The following PRKG1 variants were observed in gnomAD, a reference collection of about 807,000 sequenced individuals.
PRKG1 encodes the protein protein kinase cGMP-dependent 1.
PRKG1 carries 35 observed loss-of-function variants against 88.1 expected under a neutral mutation model. That is an observed-to-expected ratio of 0.40 (90% CI 0.30 to 0.53). The LOEUF (loss-of-function observed/expected upper bound fraction) is 0.53. PRKG1 is among the 20% of genes least tolerant of loss of function. PRKG1 has a pLI of 0.59. For missense variants in PRKG1, 540 were observed against 839.8 expected (o/e 0.64, Z 4.41); for synonymous variants, 303 against 292.5 (o/e 1.04, Z -0.37).
chr10:51,090,263 G>A (rs1303155649), intron 1 of PRKG1, among the ~76,000 whole-genome samples: 2 of 152,126 alleles, frequency 1.3e-5, no homozygotes, highest in Non-Finnish European at 2.9e-5. Context: ...CATTGATAAA[G>A]TGCTGTGTAC....
rs189801543 is a variant in PRKG1, at chr10:51,994,781, G to A, written c.763-59703G>A. Among the ~76,000 whole-genome samples the A allele has an allele frequency of 3.2e-4, 49 of 152,264 alleles. No individual in the cohort carries two copies. In the East Asian group the frequency reaches 8.9e-3, roughly 28 times the overall value. On this transcript the variant is annotated intron_variant, in intron 5 of 17. Coordinates refer to ENST00000373980, the MANE Select transcript of PRKG1 (RefSeq NM_006258.4). ...GCTTTTTTAATCTAAAGGGAAGGAA[G>A]TACTGTTTTATTTGACATATGGAGC...
intron 9 of PRKG1, among the ~76,000 whole-genome samples, chr10:52,209,660 C>T (rs11001195): frequency 0.12 from 18,592 of 152,100 alleles, 2,522 homozygotes; most frequent in African/African-American, 0.34. Flanking sequence ...TTACCAAAAC[C>T]GAAATCTTGA....
At chr10:52,016,133 T>C (rs1845034376) in intron 5 of PRKG1, among the ~76,000 whole-genome samples, 1 of 152,214 alleles carries the variant, frequency 6.6e-6, no homozygotes, top group Non-Finnish European at 1.5e-5. Flanking sequence ...CCCTACTCTG[T>C]CAGTACCAAT....
At chr10:51,851,898 C>T (rs962169454) in intron 4 of PRKG1, among the ~76,000 whole-genome samples, 1 of 152,178 alleles carries the variant, frequency 6.6e-6, no homozygotes, top group East Asian at 1.9e-4. Flanking sequence ...AAGGATTCTG[C>T]AGGCTTTTGT....
At chr10:51,347,043 T>C (rs1054606513) in intron 2 of PRKG1, among the ~76,000 whole-genome samples, 23 of 152,180 alleles carry the variant, frequency 1.5e-4, no homozygotes, top group Non-Finnish European at 2.9e-5. Context: ...CTCAGCATCC[T>C]GAGTCTGGTT....
rs1847667209 is a variant in PRKG1 at position 52,115,556 on chromosome 10, CA to C, written c.936-18283del. On this transcript the variant is annotated intron_variant, in intron 7 of 17. Transcript: ENST00000373980. Reference sequence around the variant, plus strand: ...TATGCACATCAGTTCTTATCTAAGACATCACCTCTTCCCATGGCTTTCACTG... The same window carrying C: ...TATGCACATCAGTTCTTATCTAAGACTCACCTCTTCCCATGGCTTTCACTG... Among the ~76,000 whole-genome samples, 2 of 152,116 alleles carry C rather than the reference CA, an allele frequency of 1.3e-5. 1 individual carries two copies. The highest frequency in any genetic ancestry group is 1.3e-4 in the Admixed American group (2 of 15,266).
chr10:51,698,632 C>T, intron 3 of PRKG1: 4 of 1,614,106 alleles, frequency 2.5e-6, no homozygotes, highest in Non-Finnish European at 3.4e-6. Flanking sequence ...GATCTGACAT[C>T]TGCACTTGTC....
At chr10:51,877,483 A>G (rs1359858165) in intron 4 of PRKG1, among the ~76,000 whole-genome samples, 1 of 152,194 alleles carries the variant, frequency 6.6e-6, no homozygotes, top group East Asian at 1.9e-4. Flanking sequence ...TTTTTCTGAC[A>G]AGAATTTGTA....
At chr10:51,467,872 T>A (rs778582780) in intron 3 of PRKG1, 36 bp downstream of exon 3, 2 of 1,517,600 alleles carry the variant, frequency 1.3e-6, no homozygotes, top group South Asian at 2.3e-5. Flanking sequence ...ATATTTTCAA[T>A]GTCTTTTCCC....
intron 5 of PRKG1, among the ~76,000 whole-genome samples, chr10:52,007,933 G>C (rs7905155): frequency 0.45 from 67,518 of 151,686 alleles, 15,320 homozygotes; most frequent in East Asian, 0.65. Flanking sequence ...ACACAGTCTT[G>C]GGCTACAGTG....
intron 1 of PRKG1, among the ~76,000 whole-genome samples, chr10:51,007,963 G>T (rs1443418681): frequency 1.3e-5 from 2 of 152,186 alleles, no homozygotes; most frequent in Admixed American, 6.5e-5. Flanking sequence ...GCTCTGTACA[G>T]AGGAGGAGAC....
At chr10:51,129,634 T>A (rs1288596492) in intron 1 of PRKG1, among the ~76,000 whole-genome samples, 1 of 152,186 alleles carries the variant, frequency 6.6e-6, no homozygotes. Context: ...CATTAAAGTC[T>A]TTGGAATTTA....
At chr10:51,667,256 T>C (rs1840444768) in intron 3 of PRKG1, among the ~76,000 whole-genome samples, 1 of 152,220 alleles carries the variant, frequency 6.6e-6, no homozygotes, top group African/African-American at 2.4e-5. Context: ...AAAGCATGTT[T>C]TTCTTGTGAA....
chr10:51,857,962 T>G (rs1840724901), intron 4 of PRKG1, among the ~76,000 whole-genome samples: 1 of 148,444 alleles, frequency 6.7e-6, no homozygotes, highest in South Asian at 2.1e-4. Flanking sequence ...TTACCTAGAT[T>G]CTCTATGTTG....
chr10:52,068,133 G>A (rs1161589611), intron 7 of PRKG1, among the ~76,000 whole-genome samples: 2 of 105,780 alleles, frequency 1.9e-5, no homozygotes, highest in Admixed American at 1.0e-4. Flanking sequence ...AACCCGGGAG[G>A]CGGAGCTTGC....
At chr10:51,401,287 T>C (rs1837731362) in intron 2 of PRKG1, among the ~76,000 whole-genome samples, 1 of 152,210 alleles carries the variant, frequency 6.6e-6, no homozygotes, top group South Asian at 2.1e-4. Context: ...TAGCCACATA[T>C]CAGGTGCTGA....
chr10:51,998,070 TATTCC>T (rs2133143164), intron 5 of PRKG1, among the ~76,000 whole-genome samples: 1 of 152,342 alleles, frequency 6.6e-6, no homozygotes, highest in Non-Finnish European at 1.5e-5. Context: ...TGTTCTCTTT[TATTCC>T]TCATTTGCCA....
intron 2 of PRKG1, among the ~76,000 whole-genome samples, chr10:51,355,881 A>G (rs1842355745): frequency 6.6e-6 from 1 of 152,026 alleles, no homozygotes; most frequent in South Asian, 2.1e-4. Flanking sequence ...TATGTTGTGA[A>G]TGGGATCTTC....
At chr10:52,046,571 C>A (rs1436192612) in intron 5 of PRKG1, among the ~76,000 whole-genome samples, 2 of 152,112 alleles carry the variant, frequency 1.3e-5, no homozygotes, top group Non-Finnish European at 2.9e-5. Flanking sequence ...GTCCTCACAA[C>A]AATCTGTTTA....
Sources: allele counts gnomAD v4.1 joint callset (sites outside exome capture counted in the v4.1 genomes callset), GRCh38; gene constraint gnomAD v4.1.1; transcripts MANE v1.5; gene names NCBI Gene and HGNC (gene_info 2026-07-23, HGNC 2026-07-21).